The following PHC1 variants were observed in gnomAD, a reference collection of about 807,000 sequenced individuals.
The protein encoded by PHC1 is polyhomeotic-like protein 1.
Under a neutral mutation model 104.3 loss-of-function variants are expected in PHC1, and 12 were observed. That is an observed-to-expected ratio of 0.12 (90% CI 0.07 to 0.19). The LOEUF is 0.19. Among genes scored for constraint, PHC1 ranks in the 10% least tolerant of loss-of-function variants. PHC1 has a pLI of 1.00. For missense variants in PHC1, 671 were observed against 1,200.0 expected, an observed-to-expected ratio of 0.56 and a Z score of 6.51; for synonymous variants, 302 against 455.8, an observed-to-expected ratio of 0.66 and a Z score of 4.30.
rs774053952 is a variant in PHC1, at chr12:8,935,222, G to A, written c.2352G>A (p.Val784=). The part of the protein sequence containing the change: ...TENQSGGPLG[V]DSPSAELDKK... ...ATCAGTCAGGTGGCCCTTTGGGAGTGGACAGCCCATCTGCTGGTGAGCATT... is the reference window on the plus strand; with the variant it reads ...ATCAGTCAGGTGGCCCTTTGGGAGTAGACAGCCCATCTGCTGGTGAGCATT... Residue 784 remains valine (V), a synonymous_variant, in exon 11 of 15, where the codon GTG becomes GTA. Transcript: ENST00000544916. The A allele has an allele frequency of 2.2e-5, 35 of 1,571,550 alleles. No homozygotes were observed. In the South Asian group the frequency reaches 3.4e-4, roughly 15 times the overall value.
chr12:8,922,170 A>G (rs1592191959), intron 5 of PHC1, among the ~76,000 whole-genome samples: 1 of 152,190 alleles, frequency 6.6e-6, no homozygotes, highest in Admixed American at 6.5e-5. Flanking sequence ...GCTGGGACCT[A>G]CTTCCCATAC....
Position 8,919,815 on chromosome 12 carries a change from C to G in PHC1, c.174C>G (p.Leu58=), listed in dbSNP as rs768974362. Residue 58 remains leucine, a synonymous_variant, in exon 3 of 15, where the codon CTC becomes CTG. Coordinates refer to ENST00000544916, the MANE Select transcript of PHC1 (RefSeq NM_004426.3). The surrounding 1 kb of genome is among the most constrained non-coding windows in gnomAD (Gnocchi z 4.9). ...NAAQYFHQFM[L]QQQLSNAQLH... is the part of the protein sequence containing the mutation. The stretch of plus-strand genomic sequence containing the variant: ...CTCAGTATTTCCACCAGTTCATGCT[C>G]CAGCAGCAGCTCAGTAATGCCCAGC... The G allele has an allele frequency of 1.9e-6, 3 of 1,611,516 alleles. No homozygotes were observed. Among genetic ancestry groups the G allele is most frequent in the Non-Finnish European group, 1.7e-6 (2 of 1,179,000 alleles).
At position 8,933,312 on chromosome 12, in the gene PHC1, G is replaced by A. The variant is rs1210737276; in HGVS notation, c.1855G>A (p.Val619Ile). ...CACCTCCTCACCTGTTGTAGCCCAG[G>A]TCCCTGCTGCCTTCTATATGCAGTC... ...ATTSSPVVAQ[V>I]PAAFYMQSVH... Residue 619 changes from valine (V) to isoleucine (I), a missense_variant, in exon 8 of 15, where the codon GTC becomes ATC. Physicochemically the swap from Val to Ile is conservative, Grantham distance 29 (BLOSUM62 3). This residue lies in a region of PHC1 where 95 missense variants were observed against 108.8 expected (regional missense o/e 0.87). Coordinates refer to ENST00000544916, the MANE Select transcript of PHC1 (RefSeq NM_004426.3). 1.3e-6 allele frequency: 2 copies of A among 1,507,886 alleles called. No homozygotes were observed. The highest frequency in any genetic ancestry group is 4.7e-5 in the East Asian group (2 of 42,232). The allele number at this position is 1,507,886 out of a possible 1,614,324, so 93.4% of individuals were successfully genotyped here. A position where few individuals can be genotyped will look rare whatever the true frequency, so the allele number is the denominator to read the frequency against.
intron 14 of PHC1, 59 bp downstream of exon 14, chr12:8,938,119 G>A (rs1270037562): frequency 8.7e-7 from 1 of 1,151,088 alleles, no homozygotes; most frequent in Non-Finnish European, 1.3e-6. Context: ...TCCCACAGGG[G>A]CCTTGATAAG....
At position 8,936,903 on chromosome 12, in the gene PHC1, T is replaced by C; in HGVS notation, c.2416T>C (p.Tyr806His). 4.3e-6 allele frequency: 7 copies of C among 1,613,378 alleles called. No individual in the cohort carries two copies. The highest frequency in any genetic ancestry group is 5.9e-6 in the Non-Finnish European group (7 of 1,179,376). ...CCTGAAGTGCGAGTACTGTGGGAAG[T>C]ACGCCCCCGCAGAGCAGTTTCGTGG... ...NLLKCEYCGK[Y>H]APAEQFRGSK... The change falls in exon 12 of 15, where the codon TAC becomes CAC. Residue 806 changes from tyrosine (Y) to histidine (H), a missense_variant. Transcript: ENST00000544916.
At position 8,940,318 on chromosome 12, in the gene PHC1, C is replaced by G. The variant is rs1429774966; in HGVS notation, c.*859C>G. 18 of 172,260 alleles carry G rather than the reference C, an allele frequency of 1.0e-4. No homozygotes were observed. Among genetic ancestry groups the G allele is most frequent in the Admixed American group, 2.2e-4 (4 of 17,988 alleles). The allele number at this position is 172,260 out of a possible 1,614,324, so 10.7% of individuals were successfully genotyped here. On this transcript the variant is annotated 3_prime_UTR_variant, in exon 15 of 15. Transcript: ENST00000544916. ...GAAAATTGGTTTCAGTTGTCTTACT[C>G]TATTCCAGTCTTTGCCCACTTTCAC...
In PHC1 at chr12:8,919,219, C is replaced by G. The variant is rs1310022703; in HGVS notation, c.115-537C>G. Among the ~76,000 whole-genome samples, 1 of 152,154 alleles carries G rather than the reference C, an allele frequency of 6.6e-6. No individual in the cohort carries two copies. Among genetic ancestry groups the G allele is most frequent in the Non-Finnish European group, 1.5e-5 (1 of 68,026 alleles). ...GGATTACAGGCGCCCACCACCACGC[C>G]CAGCTAATTTTTTGTATTTTTAGTA... On this transcript the variant is annotated intron_variant, in intron 2 of 14. Transcript: ENST00000544916. This position sits in a 1 kb window ranked among gnomAD's most constrained non-coding sequence, Gnocchi z 4.9.
chr12:8,927,897 CTTT>C (rs1945568678), intron 6 of PHC1, among the ~76,000 whole-genome samples: 1 of 110,672 alleles, frequency 9.0e-6, no homozygotes, highest in South Asian at 3.1e-4. Context: ...TTCTTTCTTT[CTTT>C]CTTTCTTTCT....
At position 8,919,905 on chromosome 12, in the gene PHC1, A is replaced by T. The variant is rs780256175; in HGVS notation, c.225+39A>T. 6.3e-7 allele frequency: 1 copy of T among 1,580,258 alleles called. No homozygotes were observed. The highest frequency in any genetic ancestry group is 1.1e-5 in the South Asian group (1 of 87,488). On this transcript the variant is annotated intron_variant, in intron 3 of 14. Coordinates refer to ENST00000544916, the MANE Select transcript of PHC1 (RefSeq NM_004426.3). The surrounding 1 kb of genome is among the most constrained non-coding windows in gnomAD (Gnocchi z 4.9). ...AGCCAGCTGGCCCGAGAGGGAGGGG[A>T]CAGGCACTACAGGTGGGTAGGGGAG...
intron 6 of PHC1, among the ~76,000 whole-genome samples, chr12:8,924,333 C>T (rs757634243): frequency 1.3e-5 from 2 of 152,020 alleles, no homozygotes; most frequent in South Asian, 2.1e-4. Flanking sequence ...AAAAATTAGC[C>T]GGGCATGGTG....
chr12:8,938,086 C>A, intron 14 of PHC1, 26 bp downstream of exon 14: 1 of 1,548,100 alleles, frequency 6.5e-7, no homozygotes, highest in Non-Finnish European at 8.9e-7. Context: ...TCAACAGAAC[C>A]CAGGTTGTTT....
intron 7 of PHC1, 42 bp downstream of exon 7, chr12:8,930,969 T>C: frequency 1.9e-6 from 3 of 1,545,504 alleles, no homozygotes; most frequent in South Asian, 2.5e-5. Context: ...TCAGAATTCA[T>C]GTGAAATTTT....
upstream of PHC1, chr12:8,914,031 CTTCAT>C (rs1174135546): frequency 6.5e-6 from 1 of 152,698 alleles, no homozygotes; most frequent in East Asian, 1.9e-4. Flanking sequence ...CTTTCCTTTG[CTTCAT>C]TTCTTTTCCC....
intron 11 of PHC1, 111 bp downstream of exon 11, chr12:8,935,349 G>A: frequency 1.6e-6 from 1 of 615,704 alleles, no homozygotes; most frequent in South Asian, 2.0e-5. Context: ...AATGAGGCCT[G>A]GCACAGTGGC....
intron 1 of PHC1, chr12:8,916,217 C>T (rs7304121): frequency 0.86 from 131,541 of 153,696 alleles, 57,663 homozygotes; most frequent in South Asian, 0.97. Flanking sequence ...AAACTAAAGA[C>T]TGGGGGGGGA....
At chr12:8,921,349 G>A (rs1043981886) in intron 4 of PHC1, among the ~76,000 whole-genome samples, 1 of 152,144 alleles carries the variant, frequency 6.6e-6, no homozygotes, top group African/African-American at 2.4e-5. Context: ...AGTAAAATCT[G>A]TTCTGTTTCA....
chr12:8,922,575 C>G, intron 5 of PHC1, 58 bp from the exon 6 acceptor site: 2 of 1,450,396 alleles, frequency 1.4e-6, no homozygotes, highest in Non-Finnish European at 1.9e-6. Flanking sequence ...CTTTCCATCT[C>G]TTCTGTCTCT....
chr12:8,921,087 G>A, intron 4 of PHC1, 22 bp downstream of exon 4: 1 of 1,563,148 alleles, frequency 6.4e-7, no homozygotes, highest in Non-Finnish European at 8.7e-7. Context: ...CTCTCCCACT[G>A]AGAGGCTTCT....
At chr12:8,935,027 C>A (rs1199250606) in intron 10 of PHC1, 97 bp from the exon 11 acceptor site, 2 of 640,738 alleles carry the variant, frequency 3.1e-6, no homozygotes, top group Non-Finnish European at 5.5e-6. Context: ...ACTCAGAGAT[C>A]CAAGCAGAGA....
Sources: gnomAD v4.1 joint callset for allele counts (sites outside exome capture counted in the v4.1 genomes callset) on GRCh38, gnomAD v4.1.1 for gene constraint, gnomAD v4.1.1 regional missense constraint, Gnocchi (gnomAD v3.1) non-coding constraint, MANE v1.5 for transcripts, NCBI Gene and HGNC (gene_info 2026-07-23, HGNC 2026-07-21) for gene names.